BICDL1: variants seen among roughly 807,000 people sequenced by gnomAD.
BICDL1 encodes the protein BICD family like cargo adaptor 1.
In BICDL1, 20 loss-of-function variants were observed where a neutral mutation model predicts 76.8. That is an observed-to-expected ratio of 0.26 (90% CI 0.18 to 0.38). The LOEUF is 0.38. Ranked by LOEUF, BICDL1 falls within the 10% of genes least tolerant of loss-of-function variation. BICDL1 has a pLI of 1.00. For synonymous variants in BICDL1, 383 were observed against 337.1 expected (o/e 1.14, Z -1.49); for missense variants, 700 against 798.6 (o/e 0.88, Z 1.49).
At chr12:119,995,127 T>C (rs1278924237) in intron 1 of BICDL1, among the ~76,000 whole-genome samples, 1 of 152,212 alleles carries the variant, frequency 6.6e-6, no homozygotes. Context: ...TCTAAAATAC[T>C]ATATAACCCT....
chr12:120,072,656 C>T lies in BICDL1; in HGVS notation c.1235C>T (p.Ala412Val), dbSNP rs1306977064. 6.2e-7 allele frequency: 1 copy of T among 1,614,150 alleles called. No homozygotes were observed. The change falls in exon 6 of 10, where the codon GCC (alanine) becomes GTC (valine). Residue 412 changes from alanine (A) to valine (V), a missense_variant. Physicochemically the swap from Ala to Val is moderately conservative, Grantham distance 64. This residue lies in a region of BICDL1 where 455 missense variants were observed against 548.7 expected (regional missense o/e 0.83). Transcript: ENST00000548673. ...SETSSAKDVP[A>V]GSLRTALNEL... is the part of the protein sequence containing the mutation. ...ACCTCGTCCGCCAAGGATGTGCCAG[C>T]CGGCAGCTTGCGCACTGCCCTCAAT...
At chr12:119,990,492 C>G (rs1346167943) in intron 1 of BICDL1, among the ~76,000 whole-genome samples, 195 bp downstream of exon 1, 1 of 152,210 alleles carries the variant, frequency 6.6e-6, no homozygotes, top group African/African-American at 2.4e-5. Flanking sequence ...ACCCCGCTCA[C>G]AGCAAATGGG....
In BICDL1 at chr12:119,989,988, C is replaced by A. The variant is rs1433649811; in HGVS notation, c.120C>A (p.Ala40=). Residue 40 remains alanine (A), a synonymous_variant, in exon 1 of 10, where the codon GCC becomes GCA. Coordinates refer to ENST00000548673, the MANE Select transcript of BICDL1 (RefSeq NM_001367886.1). ...ACGCAGTCCGGAGTCCCGCCGCCGCCGCCGCCCTCATCTTCCCCGGGGGCT... is the reference window on the plus strand; with the variant it reads ...ACGCAGTCCGGAGTCCCGCCGCCGCAGCCGCCCTCATCTTCCCCGGGGGCT... ...AGDAVRSPAA[A]AALIFPGGSG... The A allele has an allele frequency of 1.2e-5, 17 of 1,475,804 alleles. No homozygotes were observed. The highest frequency in any genetic ancestry group is 1.4e-5 in the Non-Finnish European group (16 of 1,127,336). The allele number at this position is 1,475,804 out of a possible 1,614,324, so 91.4% of individuals were successfully genotyped here.
intron 2 of BICDL1, among the ~76,000 whole-genome samples, chr12:120,056,184 C>T (rs892142056): frequency 1.3e-5 from 2 of 152,172 alleles, no homozygotes; most frequent in Non-Finnish European, 2.9e-5. Context: ...CATTTTAATT[C>T]TTCAGTTTTC....
chr12:119,997,003 C>T (rs1347255813), intron 1 of BICDL1, among the ~76,000 whole-genome samples: 1 of 150,314 alleles, frequency 6.7e-6, no homozygotes, highest in East Asian at 1.9e-4. Context: ...GGCTAGAGTG[C>T]AGTGGCGCGA....
intron 2 of BICDL1, among the ~76,000 whole-genome samples, chr12:120,044,997 G>A (rs1454198626): frequency 3.3e-5 from 5 of 152,126 alleles, no homozygotes; most frequent in Admixed American, 6.5e-5. Context: ...CCTACAAAAC[G>A]AGAGAAAATT....
chr12:119,993,973 G>A (rs974052649), intron 1 of BICDL1, among the ~76,000 whole-genome samples: 4 of 152,184 alleles, frequency 2.6e-5, no homozygotes, highest in Non-Finnish European at 5.9e-5. Flanking sequence ...ACAATTAGCC[G>A]TTTTGCTTTA....
intron 2 of BICDL1, among the ~76,000 whole-genome samples, chr12:120,021,242 C>T (rs1205143110): frequency 2.0e-5 from 3 of 151,110 alleles, no homozygotes; most frequent in African/African-American, 7.3e-5. Flanking sequence ...AGAGATGGTA[C>T]CAGAGCACTC....
chr12:120,051,354 A>T (rs1233051683), intron 2 of BICDL1, among the ~76,000 whole-genome samples: 2 of 152,128 alleles, frequency 1.3e-5, no homozygotes, highest in Admixed American at 6.6e-5. Flanking sequence ...CCCCCTGGAG[A>T]TATTTTTAAT....
At chr12:120,013,928 A>C (rs1952009844) in intron 2 of BICDL1, among the ~76,000 whole-genome samples, 1 of 152,198 alleles carries the variant, frequency 6.6e-6, no homozygotes, top group African/African-American at 2.4e-5. Flanking sequence ...CGCATATTAC[A>C]GTTGTTGAAG....
chr12:120,065,962 T>C (rs1594190541), intron 4 of BICDL1, among the ~76,000 whole-genome samples: 2 of 152,234 alleles, frequency 1.3e-5, no homozygotes, highest in African/African-American at 4.8e-5. Context: ...ACTTTCCATA[T>C]ATTAATAGTA....
intron 8 of BICDL1, 137 bp from the exon 9 acceptor site, chr12:120,089,814 A>C: frequency 7.1e-6 from 7 of 980,070 alleles, no homozygotes; most frequent in Non-Finnish European, 7.6e-6. Flanking sequence ...CATCATAGTT[A>C]TTGTTGCAGC....
intron 2 of BICDL1, among the ~76,000 whole-genome samples, chr12:120,060,398 A>G (rs1298288825): frequency 6.6e-6 from 1 of 152,224 alleles, no homozygotes; most frequent in East Asian, 1.9e-4. Context: ...TCCTTGCATC[A>G]TAAAGCCAAG....
At chr12:120,000,826 T>C (rs1951744659) in intron 2 of BICDL1, among the ~76,000 whole-genome samples, 2 of 152,194 alleles carry the variant, frequency 1.3e-5, no homozygotes, top group South Asian at 4.1e-4. Flanking sequence ...AAATTATGCC[T>C]CATACAAGTA....
intron 9 of BICDL1, among the ~76,000 whole-genome samples, chr12:120,090,410 A>C (rs1874855649): frequency 6.6e-6 from 1 of 152,214 alleles, no homozygotes; most frequent in South Asian, 2.1e-4. Flanking sequence ...GTATAATTGC[A>C]TGAAAATTCA....
chr12:119,998,902 T>A (rs568393035), intron 2 of BICDL1, among the ~76,000 whole-genome samples, 166 bp downstream of exon 2: 3 of 151,844 alleles, frequency 2.0e-5, no homozygotes, highest in South Asian at 2.1e-4. Flanking sequence ...AAAAGTTTTT[T>A]AAAAATTAGC....
At chr12:120,049,055 T>C (rs2138843130) in intron 2 of BICDL1, among the ~76,000 whole-genome samples, 1 of 152,280 alleles carries the variant, frequency 6.6e-6, no homozygotes, top group South Asian at 2.1e-4. Flanking sequence ...CTTAAAAAGC[T>C]TCAAATGAGG....
intron 1 of BICDL1, among the ~76,000 whole-genome samples, chr12:119,991,753 G>A (rs1951528923): frequency 6.6e-6 from 1 of 152,176 alleles, no homozygotes; most frequent in Non-Finnish European, 1.5e-5. Context: ...CACCGTATCA[G>A]TTTGATTAGT....
chr12:120,090,695 T>C, intron 9 of BICDL1: 1 of 369,172 alleles, frequency 2.7e-6, no homozygotes, highest in Non-Finnish European at 5.3e-6. Flanking sequence ...AGAATTCTCA[T>C]CCAGACAGAT....
Sources: gnomAD v4.1 joint callset for allele counts (sites outside exome capture counted in the v4.1 genomes callset) on GRCh38, gnomAD v4.1.1 for gene constraint, gnomAD v4.1.1 regional missense constraint, MANE v1.5 for transcripts, NCBI Gene and HGNC (gene_info 2026-07-23, HGNC 2026-07-21) for gene names.